GMPR: variants seen among roughly 807,000 people sequenced by gnomAD.
GMPR encodes the protein GMP reductase 1.
Under a neutral mutation model 38.4 loss-of-function variants are expected in GMPR, and 31 were observed. The ratio of observed to expected loss-of-function variants is 0.81; its 90% CI spans 0.61 to 1.09. The LOEUF (loss-of-function observed/expected upper bound fraction) is 1.09, where lower values mean the gene tolerates loss of function less well. GMPR is among the 50% of genes least tolerant of loss of function. The pLI, the probability that GMPR is intolerant of heterozygous loss-of-function variation, is 0.00. For missense variants in GMPR, 468 were observed against 453.7 expected, an observed-to-expected ratio of 1.03 and a Z score of -0.29; for synonymous variants, 162 against 173.3, an observed-to-expected ratio of 0.93 and a Z score of 0.51.
intron 1 of GMPR, among the ~76,000 whole-genome samples, chr6:16,246,188 T>G (rs1758752364): frequency 6.6e-6 from 1 of 152,106 alleles, no homozygotes; most frequent in African/African-American, 2.4e-5. Flanking sequence ...TGTGACTGTG[T>G]TGTTCTGGAT....
intron 4 of GMPR, among the ~76,000 whole-genome samples, chr6:16,266,761 G>A (rs1234111182): frequency 6.6e-5 from 10 of 151,478 alleles, no homozygotes; most frequent in East Asian, 2.0e-4. Flanking sequence ...ACGGCACTCC[G>A]GCCTAGGTGA....
chr6:16,295,172 ACCGTGTTCAG>A lies in GMPR; in HGVS notation c.1026_1035del (p.Val343AsnfsTer106), dbSNP rs1403118137. On this transcript the variant is annotated frameshift_variant, in exon 9 of 9. Coordinates refer to ENST00000259727, the MANE Select transcript of GMPR (RefSeq NM_006877.4). LOFTEE classifies it high-confidence loss of function. ...CATCCGGGTGACCCAGCAGCACAAC[ACCGTGTTCAG>A]CTAACCCTGGGGACAAAGCAGCGTC... The A allele has an allele frequency of 6.5e-7, 1 of 1,527,200 alleles. No homozygotes were observed. The highest frequency in any genetic ancestry group is 8.7e-7 in the Non-Finnish European group (1 of 1,144,444). The allele number at this position is 1,527,200 out of a possible 1,614,324, so 94.6% of individuals were successfully genotyped here.
At chr6:16,276,168 C>T (rs535583187) in intron 5 of GMPR, among the ~76,000 whole-genome samples, 11 of 152,202 alleles carry the variant, frequency 7.2e-5, no homozygotes, top group Non-Finnish European at 1.5e-4. Flanking sequence ...AGCTTCTTGG[C>T]TCTCAAAGCT....
At chr6:16,251,590 G>A (rs1273260071) in intron 3 of GMPR, among the ~76,000 whole-genome samples, 1 of 152,124 alleles carries the variant, frequency 6.6e-6, no homozygotes, top group Non-Finnish European at 1.5e-5. Context: ...AAGGCCACAC[G>A]CAAAGGCCAG....
intron 4 of GMPR, among the ~76,000 whole-genome samples, chr6:16,266,727 C>T (rs1759246386): frequency 6.6e-6 from 1 of 151,546 alleles, no homozygotes; most frequent in Non-Finnish European, 1.5e-5. Flanking sequence ...AGGAGAATTG[C>T]ATGAACCTGG....
At chr6:16,290,123 A>T in intron 7 of GMPR, 1 of 207,554 alleles carries the variant, frequency 4.8e-6, no homozygotes, top group Non-Finnish European at 9.8e-6. Flanking sequence ...CTGGCAGAAT[A>T]CTCCCCAATC....
chr6:16,265,980 C>T (rs1041015001), intron 4 of GMPR, among the ~76,000 whole-genome samples: 22 of 152,170 alleles, frequency 1.4e-4, no homozygotes, highest in African/African-American at 2.9e-4. Context: ...TGTGGATGTG[C>T]AACCTTTAAG....
intron 4 of GMPR, among the ~76,000 whole-genome samples, chr6:16,271,835 C>CT (rs922408753): frequency 1.1e-4 from 17 of 152,124 alleles, no homozygotes; most frequent in African/African-American, 3.9e-4. Context: ...CACACATACA[C>CT]TTTTTTTAAT....
chr6:16,285,131 C>T (rs545522053), intron 6 of GMPR, among the ~76,000 whole-genome samples: 1 of 151,074 alleles, frequency 6.6e-6, no homozygotes, highest in African/African-American at 2.4e-5. Context: ...CCCCCAACAG[C>T]TGAACCTTGC....
At chr6:16,265,950 C>T (rs1031912513) in intron 4 of GMPR, among the ~76,000 whole-genome samples, 4 of 152,040 alleles carry the variant, frequency 2.6e-5, no homozygotes, top group Non-Finnish European at 5.9e-5. Context: ...CGAAGCCACC[C>T]GCCGGGAGAA....
chr6:16,239,427 C>T (rs538648464), intron 1 of GMPR, among the ~76,000 whole-genome samples: 1 of 152,290 alleles, frequency 6.6e-6, no homozygotes, highest in Non-Finnish European at 1.5e-5. Context: ...TCGGGCATTT[C>T]CCTGGTTCTG....
intron 4 of GMPR, chr6:16,264,302 G>A (rs1488197816): frequency 5.3e-6 from 1 of 188,328 alleles, no homozygotes; most frequent in African/African-American, 2.4e-5. Context: ...GAGGGATAGT[G>A]AGGGAGGTTG....
intron 4 of GMPR, among the ~76,000 whole-genome samples, chr6:16,267,345 C>A (rs189088139): frequency 6.6e-6 from 1 of 152,002 alleles, no homozygotes; most frequent in Non-Finnish European, 1.5e-5. Flanking sequence ...GCACTCCGGC[C>A]TGGGTGAGAG....
At position 16,246,871 on chromosome 6, in the gene GMPR, A is replaced by G; in HGVS notation, c.117A>G (p.Arg39=). The G allele has an allele frequency of 6.2e-7, 1 of 1,613,792 alleles. No individual in the cohort carries two copies. Among genetic ancestry groups the G allele is most frequent in the Non-Finnish European group, 8.5e-7 (1 of 1,179,776 alleles). ...ATCTTGAACGCACCTTCACGTTTCG[A>G]AATTCAAAGCAGACCTACTCAGGGA... ...EVDLERTFTF[R]NSKQTYSGIP... Residue 39 remains arginine (R), a synonymous_variant, in exon 2 of 9, where the codon CGA becomes CGG. Transcript: ENST00000259727.
chr6:16,292,489 A>G (rs1184132458), intron 8 of GMPR, among the ~76,000 whole-genome samples: 1 of 151,524 alleles, frequency 6.6e-6, no homozygotes, highest in Non-Finnish European at 1.5e-5. Context: ...TGAGGGATTC[A>G]CTCCTTCCAG....
At chr6:16,294,975 A>T in intron 8 of GMPR, 31 bp from the exon 9 acceptor site, 1 of 1,566,420 alleles carries the variant, frequency 6.4e-7, no homozygotes, top group South Asian at 1.1e-5. Context: ...GCGGGAAACT[A>T]GATAAAAAGA....
At chr6:16,289,088 T>C (rs540248968) in intron 7 of GMPR, among the ~76,000 whole-genome samples, 99 of 152,358 alleles carry the variant, frequency 6.5e-4, no homozygotes, top group African/African-American at 2.1e-3. Context: ...TGTTTCGCTC[T>C]TTGCAATAGA....
At chr6:16,265,281 G>C (rs1196220803) in intron 4 of GMPR, among the ~76,000 whole-genome samples, 2 of 152,146 alleles carry the variant, frequency 1.3e-5, no homozygotes, top group Non-Finnish European at 2.9e-5. Flanking sequence ...ACAAATCTTT[G>C]AGTAGAGGTA....
rs145340258 is a variant in GMPR at position 16,285,290 on chromosome 6, G to A, written c.655-503G>A. Among the ~76,000 whole-genome samples the A allele has an allele frequency of 3.6e-3, 542 of 152,334 alleles. 3 individuals are homozygous for A. Among genetic ancestry groups the A allele is most frequent in the African/African-American group, 0.012 (514 of 41,572 alleles). ...GGAATAGGAAACATGGAGGTACCTG[G>A]AAAGATAAAAGGATTAACTCAATGT... On this transcript the variant is annotated intron_variant, in intron 6 of 8. Transcript: ENST00000259727.
Sources: allele counts gnomAD v4.1 joint callset (sites outside exome capture counted in the v4.1 genomes callset), GRCh38; gene constraint gnomAD v4.1.1; transcripts MANE v1.5; gene names NCBI Gene and HGNC (gene_info 2026-07-23, HGNC 2026-07-21).